PCDHGB2: variants seen among roughly 807,000 people sequenced by gnomAD.
PCDHGB2 encodes the protein protocadherin gamma-B2.
In PCDHGB2, 55 loss-of-function variants were observed where a neutral mutation model predicts 59.3. That is an observed-to-expected ratio of 0.93 (90% CI 0.75 to 1.16). PCDHGB2 has a LOEUF of 1.16. Among genes scored for constraint, PCDHGB2 ranks in the 50% most tolerant of loss-of-function variants. The pLI is 0.00. For missense variants in PCDHGB2, 1,228 were observed against 1,198.5 expected (o/e 1.02, Z -0.36); for synonymous variants, 516 against 512.0 (o/e 1.01, Z -0.11).
chr5:141,478,847 AAC>A (rs2099480409), intron 1 of PCDHGB2: 1 of 1,389,782 alleles, frequency 7.2e-7, no homozygotes, highest in South Asian at 1.5e-5. Context: ...GTTAAGCTAA[AAC>A]ACAAGATCTC....
At chr5:141,376,676 G>GTTTTTTTTTTTTTTTTTTTTTTTTT in intron 1 of PCDHGB2, 1 of 275,812 alleles carries the variant, frequency 3.6e-6, no homozygotes, top group Non-Finnish European at 6.2e-6. Context: ...TGAGGGTATC[G>GTTTTTTTTTTTTTTTTTTTTTTTTT]TTTTTTTTTT....
At chr5:141,505,300 G>A in intron 2 of PCDHGB2, 93 bp from the exon 3 acceptor site, 1 of 1,589,042 alleles carries the variant, frequency 6.3e-7, no homozygotes, top group South Asian at 1.1e-5. Flanking sequence ...GGTAGGGTTA[G>A]GGTACTAGGT....
chr5:141,421,322 T>TC (rs761059925), intron 1 of PCDHGB2: 24 of 1,613,746 alleles, frequency 1.5e-5, no homozygotes, highest in Middle Eastern at 1.6e-4. Flanking sequence ...GCCAGGCAGA[T>TC]CCGATATTCG....
intron 1 of PCDHGB2, chr5:141,408,336 C>T: frequency 6.2e-7 from 1 of 1,613,910 alleles, no homozygotes; most frequent in Non-Finnish European, 8.5e-7. Flanking sequence ...GCCAAGGGCT[C>T]GGTGGTGGGG....
At chr5:141,405,187 G>A (rs372851700) in intron 1 of PCDHGB2, 1 of 1,613,360 alleles carries the variant, frequency 6.2e-7, no homozygotes, top group East Asian at 2.2e-5. Flanking sequence ...GTGTAGATGG[G>A]GTTCGAGCTT....
chr5:141,458,972 GTCC>G (rs2154566422), intron 1 of PCDHGB2, among the ~76,000 whole-genome samples: 1 of 151,882 alleles, frequency 6.6e-6, no homozygotes, highest in East Asian at 1.9e-4. Context: ...GCCTCAAGCA[GTCC>G]TCCTGCCTCA....
Position 141,491,636 on chromosome 5 carries a change from C to T in PCDHGB2, c.2422-3171C>T. ...AGACCCCTCAGCGTTCAGCAGCCCA[C>T]AGCTCTGGCGCTGGAGCCTGACGCC... On this transcript the variant is annotated intron_variant, in intron 1 of 3. Coordinates refer to ENST00000522605, the MANE Select transcript of PCDHGB2 (RefSeq NM_018923.3). This position sits in a 1 kb window ranked among gnomAD's most constrained non-coding sequence, Gnocchi z 6.9. 6.2e-7 allele frequency: 1 copy of T among 1,613,922 alleles called. No homozygotes were observed. Among genetic ancestry groups the T allele is most frequent in the Non-Finnish European group, 8.5e-7 (1 of 1,180,020 alleles).
At chr5:141,500,348 A>G (rs2099799436) in intron 2 of PCDHGB2, among the ~76,000 whole-genome samples, 1 of 151,950 alleles carries the variant, frequency 6.6e-6, no homozygotes, top group Non-Finnish European at 1.5e-5. Context: ...AGCTGGGACT[A>G]CAGGCGCCCA....
At chr5:141,421,846 G>A (rs1187020807) in intron 1 of PCDHGB2, 2 of 1,613,642 alleles carry the variant, frequency 1.2e-6, no homozygotes, top group East Asian at 4.5e-5. Context: ...AGAGAAAGAG[G>A]CTGCTCACCT....
At chr5:141,394,399 A>C in intron 1 of PCDHGB2, 3 of 1,614,206 alleles carry the variant, frequency 1.9e-6, no homozygotes, top group Non-Finnish European at 2.5e-6. Context: ...CGAGACCTGC[A>C]GCTACTGGTA....
chr5:141,510,251 C>G (rs569804850), intron 3 of PCDHGB2, among the ~76,000 whole-genome samples: 1 of 144,724 alleles, frequency 6.9e-6, no homozygotes, highest in African/African-American at 2.6e-5. Flanking sequence ...CCAGGCTGGG[C>G]GACAGAGCAG....
At chr5:141,445,169 T>C (rs2098458681) in intron 1 of PCDHGB2, among the ~76,000 whole-genome samples, 3 of 152,320 alleles carry the variant, frequency 2.0e-5, no homozygotes, top group Non-Finnish European at 1.5e-5. Flanking sequence ...TACAGAAAAA[T>C]GAAAAACTAT....
chr5:141,368,908 A>G (rs1325459876), intron 1 of PCDHGB2, among the ~76,000 whole-genome samples: 7 of 152,216 alleles, frequency 4.6e-5, no homozygotes, highest in Admixed American at 3.9e-4. Flanking sequence ...GTTTGTATAA[A>G]GGTGACAATG....
intron 2 of PCDHGB2, among the ~76,000 whole-genome samples, chr5:141,497,832 G>A (rs1326640712): frequency 1.3e-5 from 2 of 151,992 alleles, no homozygotes; most frequent in Non-Finnish European, 2.9e-5. Context: ...GATCGCCCCC[G>A]GCCACAACAA....
At chr5:141,371,734 A>T in intron 1 of PCDHGB2, 1 of 1,614,042 alleles carries the variant, frequency 6.2e-7, no homozygotes, top group Non-Finnish European at 8.5e-7. Flanking sequence ...GATGTCAACG[A>T]CAACGTTCCC....
intron 1 of PCDHGB2, chr5:141,370,801 A>G: frequency 6.2e-7 from 1 of 1,614,036 alleles, no homozygotes; most frequent in Non-Finnish European, 8.5e-7. Flanking sequence ...TTTAGCCAAA[A>G]TATCACTGAG....
chr5:141,487,067 G>C lies in PCDHGB2; in HGVS notation c.2422-7740G>C, dbSNP rs765539804. 3 of 1,614,048 alleles carry C rather than the reference G, an allele frequency of 1.9e-6. No individual in the cohort carries two copies. The highest frequency in any genetic ancestry group is 3.3e-5 in the Admixed American group (2 of 60,010). ...ATATGCTGGGGAGGTGCGGACGGCT[G>C]TTCCTATCCCAGCTGACCTCCCACC... On this transcript the variant is annotated intron_variant, in intron 1 of 3. Coordinates refer to ENST00000522605, the MANE Select transcript of PCDHGB2 (RefSeq NM_018923.3). The surrounding 1 kb of genome is among the most constrained non-coding windows in gnomAD (Gnocchi z 5.0).
At position 141,491,587 on chromosome 5, in the gene PCDHGB2, G is replaced by A. The variant is rs1177701526; in HGVS notation, c.2422-3220G>A. 1.2e-6 allele frequency: 2 copies of A among 1,613,834 alleles called. No individual in the cohort carries two copies. Among genetic ancestry groups the A allele is most frequent in the African/African-American group, 2.7e-5 (2 of 74,926 alleles). On this transcript the variant is annotated intron_variant, in intron 1 of 3. Coordinates refer to ENST00000522605, the MANE Select transcript of PCDHGB2 (RefSeq NM_018923.3). The surrounding 1 kb of genome is among the most constrained non-coding windows in gnomAD (Gnocchi z 6.9). ...CAGGACGTGCTTTTCACCGGCCTCG[G>A]ACGGCAGTGACTTCACTTTTCTAAG...
At chr5:141,413,870 T>A (rs2095687151) in intron 1 of PCDHGB2, 1 of 1,613,268 alleles carries the variant, frequency 6.2e-7, no homozygotes, top group Admixed American at 1.7e-5. Context: ...ACTGTCCTTG[T>A]CAGTGTGACT....
Sources: gnomAD v4.1 joint callset for allele counts (sites outside exome capture counted in the v4.1 genomes callset) on GRCh38, gnomAD v4.1.1 for gene constraint, Gnocchi (gnomAD v3.1) non-coding constraint, MANE v1.5 for transcripts, NCBI Gene and HGNC (gene_info 2026-07-23, HGNC 2026-07-21) for gene names.